SLC25A13: variants seen among roughly 807,000 people sequenced by gnomAD.
SLC25A13 encodes the protein solute carrier family 25 member 13.
Under a neutral mutation model 85.5 loss-of-function variants are expected in SLC25A13, and 70 were observed. The ratio of observed to expected loss-of-function variants is 0.82; its 90% confidence interval spans 0.68 to 1.00. The LOEUF (loss-of-function observed/expected upper bound fraction) is 1.00. Ranked by LOEUF, SLC25A13 falls within the 50% of genes least tolerant of loss-of-function variation. The pLI, the probability that SLC25A13 is intolerant of heterozygous loss-of-function variation, is 0.00. For synonymous variants in SLC25A13, 259 were observed against 288.7 expected (o/e 0.90, Z 1.04); for missense variants, 765 against 819.8 (o/e 0.93, Z 0.82).
intron 9 of SLC25A13, 40 bp downstream of exon 9, chr7:96,189,253 TA>T (rs1562828060): frequency 5.1e-6 from 8 of 1,565,930 alleles, no homozygotes; most frequent in Non-Finnish European, 7.0e-6. Context: ...GGTATCCTGC[TA>T]AGGAAACCCC....
chr7:96,193,238 AC>A, intron 5 of SLC25A13, 55 bp from the exon 6 acceptor site: 1 of 1,584,600 alleles, frequency 6.3e-7, no homozygotes, highest in Non-Finnish European at 8.6e-7. Context: ...AATAATTACT[AC>A]AAATGACAGT....
intron 3 of SLC25A13, among the ~76,000 whole-genome samples, chr7:96,237,210 A>G (rs1796777301): frequency 6.6e-6 from 1 of 152,238 alleles, no homozygotes; most frequent in Admixed American, 6.5e-5. Context: ...TTGCCTGGCA[A>G]TAAACTTTCT....
intron 3 of SLC25A13, among the ~76,000 whole-genome samples, chr7:96,265,933 C>T (rs1010836570): frequency 2.6e-5 from 4 of 152,090 alleles, no homozygotes; most frequent in Non-Finnish European, 5.9e-5. Context: ...CAAACAGATT[C>T]CCTCAAGCCT....
rs961627223 is a variant in SLC25A13, at chr7:96,131,754, C to G, written c.1580G>C (p.Gly527Ala). The G allele has an allele frequency of 6.2e-7, 1 of 1,614,006 alleles. No individual in the cohort carries two copies. The highest frequency in any genetic ancestry group is 1.3e-5 in the African/African-American group (1 of 75,012). Residue 527 changes from glycine (G) to alanine (A), a missense_variant, in exon 15 of 18, where the codon GGT (glycine) becomes GCT (alanine). Gly to Ala is a moderately conservative substitution (Grantham distance 60). Coordinates refer to ENST00000265631, the MANE Select transcript of SLC25A13 (RefSeq NM_014251.3). ...TGGGGGACACTCACCAGCTATGGCA[C>G]CAGCTAAGAGCAGGCTTCCTGGGCT... ...QVSPGSLLLA[G>A]AIAGMPAASL...
intron 3 of SLC25A13, among the ~76,000 whole-genome samples, chr7:96,254,227 T>C (rs1324191824): frequency 6.6e-6 from 1 of 152,164 alleles, no homozygotes; most frequent in Non-Finnish European, 1.5e-5. Flanking sequence ...GCCCTCCCAA[T>C]GTGGTAGGCA....
intron 13 of SLC25A13, 87 bp from the exon 14 acceptor site, chr7:96,146,783 A>C: frequency 6.9e-7 from 1 of 1,449,028 alleles, no homozygotes; most frequent in South Asian, 1.1e-5. Flanking sequence ...TCAAGGATAA[A>C]AATATTCTAT....
chr7:96,211,438 G>A (rs915786507), intron 4 of SLC25A13, among the ~76,000 whole-genome samples: 1 of 151,872 alleles, frequency 6.6e-6, no homozygotes, highest in African/African-American at 2.4e-5. Context: ...ATCTTCTAGA[G>A]TATACTATAC....
intron 3 of SLC25A13, among the ~76,000 whole-genome samples, chr7:96,241,262 A>C (rs900031455): frequency 3.8e-4 from 58 of 151,854 alleles, no homozygotes; most frequent in African/African-American, 1.4e-3. Context: ...ACAAAAAAAC[A>C]CCTCTTTACT....
At chr7:96,214,710 G>A (rs767129769) in intron 4 of SLC25A13, among the ~76,000 whole-genome samples, 11 of 152,022 alleles carry the variant, frequency 7.2e-5, no homozygotes, top group Middle Eastern at 6.8e-3. Context: ...GTGACAGGGC[G>A]AGACTCCGTT....
chr7:96,122,126 C>T lies in SLC25A13; in HGVS notation c.1592-129G>A. The T allele has an allele frequency of 1.7e-5, 21 of 1,222,088 alleles. No individual in the cohort carries two copies. In the South Asian group the frequency reaches 2.2e-4, roughly 13 times the overall value. 75.7% of individuals were successfully genotyped at this position (1,222,088 alleles called of 1,614,324 possible). A position where few individuals can be genotyped will look rare whatever the true frequency, so the allele number is the denominator to read the frequency against. ...TTCAATAAAATGCCTATTTTGCTGT[C>T]CTCTATGGGAAATGCAACCATGCCT... On this transcript the variant is annotated intron_variant, in intron 15 of 17. Coordinates refer to ENST00000265631, the MANE Select transcript of SLC25A13 (RefSeq NM_014251.3).
Position 96,120,776 on chromosome 7 carries a change from T to C in SLC25A13, c.*415A>G, listed in dbSNP as rs1479361431. 1 of 456,504 alleles carries C rather than the reference T, an allele frequency of 2.2e-6. No homozygotes were observed. The highest frequency in any genetic ancestry group is 4.4e-6 in the Non-Finnish European group (1 of 228,310). 28.3% of individuals were successfully genotyped at this position (456,504 alleles called of 1,614,324 possible). ...TCCCAGTGTTTTTTATTTTTATAAATATGCACCTAGTTTCCTACCAGTTTA... is the reference window on the plus strand; with the variant it reads ...TCCCAGTGTTTTTTATTTTTATAAACATGCACCTAGTTTCCTACCAGTTTA... On this transcript the variant is annotated 3_prime_UTR_variant, in exon 18 of 18. Transcript: ENST00000265631.
chr7:96,158,677 T>C (rs2116530081), intron 13 of SLC25A13, among the ~76,000 whole-genome samples: 1 of 152,324 alleles, frequency 6.6e-6, no homozygotes, highest in Admixed American at 6.5e-5. Context: ...TATAAAGTTA[T>C]AGAATAGACT....
At chr7:96,140,639 G>C (rs185861145) in intron 14 of SLC25A13, among the ~76,000 whole-genome samples, 7 of 151,662 alleles carry the variant, frequency 4.6e-5, no homozygotes, top group Non-Finnish European at 1.0e-4. Context: ...TCCTGACCTC[G>C]TGATCTGCCC....
intron 4 of SLC25A13, among the ~76,000 whole-genome samples, chr7:96,232,648 GA>G (rs34636842): frequency 0.019 from 2,452 of 131,880 alleles, 47 homozygotes; most frequent in African/African-American, 0.058. Context: ...AAAGAAAAAT[GA>G]AAAAAAAAAA....
Position 96,193,048 on chromosome 7 carries a change from A to G in SLC25A13, c.604T>C (p.Cys202Arg). ...PHVLTPFVEE[C>R]LVAAAGGTTS... is the part of the protein sequence containing the mutation. ...AAGTTACAACTTACAGCTACTAGAC[A>G]TTCTTCTACAAAAGGAGTCAAGACA... The change falls in exon 6 of 18, where the codon TGT becomes CGT. Residue 202 changes from cysteine (C) to arginine (R), a missense_variant. Cys to Arg is a radical substitution (Grantham distance 180, BLOSUM62 -3). Coordinates refer to ENST00000265631, the MANE Select transcript of SLC25A13 (RefSeq NM_014251.3). 6.2e-7 allele frequency: 1 copy of G among 1,614,090 alleles called. No homozygotes were observed. Among genetic ancestry groups the G allele is most frequent in the South Asian group, 1.1e-5 (1 of 91,074 alleles).
intron 12 of SLC25A13, 146 bp from the exon 13 acceptor site, chr7:96,170,271 A>C: frequency 1.4e-6 from 1 of 738,500 alleles, no homozygotes; most frequent in Non-Finnish European, 2.3e-6. Context: ...AGATCTTAAA[A>C]TAGTTTGAGA....
intron 6 of SLC25A13, among the ~76,000 whole-genome samples, chr7:96,192,058 A>G (rs1008568431): frequency 1.3e-5 from 2 of 152,194 alleles, no homozygotes; most frequent in Admixed American, 1.3e-4. Context: ...AAAATAGCTG[A>G]CATGAAAGTT....
chr7:96,156,494 C>T (rs1381516071), intron 13 of SLC25A13, among the ~76,000 whole-genome samples: 1 of 152,044 alleles, frequency 6.6e-6, no homozygotes, highest in African/African-American at 2.4e-5. Context: ...GTCTGTCGCC[C>T]AGGCTGGAGT....
At chr7:96,252,806 T>C (rs1006328608) in intron 3 of SLC25A13, among the ~76,000 whole-genome samples, 27 of 151,920 alleles carry the variant, frequency 1.8e-4, no homozygotes, top group Non-Finnish European at 3.2e-4. Flanking sequence ...CAAGAATGAA[T>C]GGGCAGGCTG....
Sources: allele counts gnomAD v4.1 joint callset (sites outside exome capture counted in the v4.1 genomes callset), GRCh38; gene constraint gnomAD v4.1.1; transcripts MANE v1.5; gene names NCBI Gene and HGNC (gene_info 2026-07-23, HGNC 2026-07-21).